Variants in TECTA observed in about 807,000 individuals in gnomAD.
TECTA encodes alpha-tectorin.
A neutral mutation model predicts 216.8 loss-of-function variants in TECTA; 128 were observed. That is an observed-to-expected ratio of 0.59 (90% confidence interval 0.51 to 0.68). TECTA has a LOEUF of 0.68. TECTA is among the 30% of genes least tolerant of loss of function. The pLI is 0.00. For synonymous variants in TECTA, 1,089 were observed against 1,117.1 expected, an observed-to-expected ratio of 0.97 and a Z score of 0.50; for missense variants, 2,551 against 2,786.2, an observed-to-expected ratio of 0.92 and a Z score of 1.90.
Position 121,145,736 on chromosome 11 carries a change from G to A in TECTA, c.3725G>A (p.Gly1242Asp). The change falls in exon 12 of 24, where the codon GGC becomes GAC. Residue 1242 changes from glycine to aspartate, a missense_variant. By Grantham distance (94) the Gly-to-Asp change is moderately conservative. This residue lies in a region of TECTA where 2,375 missense variants were observed against 2,563.9 expected (regional missense o/e 0.93). Coordinates refer to ENST00000392793, the MANE Select transcript of TECTA (RefSeq NM_005422.4). ...SMQNSTYGLC[G>D]RYNGNPDDDL... ...CAGAACAGCACCTATGGTCTGTGTG[G>A]CCGCTACAACGGCAACCCTGATGAT... The A allele has an allele frequency of 1.2e-6, 2 of 1,614,260 alleles. No individual in the cohort carries two copies. The highest frequency in any genetic ancestry group is 1.7e-6 in the Non-Finnish European group (2 of 1,180,052).
chr11:121,123,674 AG>A (rs1174394770), intron 7 of TECTA, among the ~76,000 whole-genome samples: 2 of 152,250 alleles, frequency 1.3e-5, no homozygotes, highest in African/African-American at 4.8e-5. Flanking sequence ...AGGCCCTCCA[AG>A]ACCTGTTCTC....
chr11:121,158,244 TTCTTAA>T lies in TECTA; in HGVS notation c.4689+21_4689+26del. 1 of 1,608,918 alleles carries T rather than the reference TTCTTAA, an allele frequency of 6.2e-7. No homozygotes were observed. Among genetic ancestry groups the T allele is most frequent in the Non-Finnish European group, 8.5e-7 (1 of 1,179,996 alleles). Reference sequence around the variant, plus strand: ...GTCAAGGTAACCAGCCTGGCGGCCATTCTTAAGAAGGGGCCCGGAAACAAGGGGTTG... The same window carrying T: ...GTCAAGGTAACCAGCCTGGCGGCCATGAAGGGGCCCGGAAACAAGGGGTTG... On this transcript the variant is annotated intron_variant, in intron 14 of 23. Coordinates refer to ENST00000392793, the MANE Select transcript of TECTA (RefSeq NM_005422.4).
intron 10 of TECTA, among the ~76,000 whole-genome samples, chr11:121,134,348 C>CACACACACACACACACAT (rs397808440): frequency 2.7e-4 from 41 of 151,740 alleles, no homozygotes; most frequent in African/African-American, 8.9e-4. Context: ...CACACACACA[C>CACACACACACACACACAT]GCACACACTT....
intron 10 of TECTA, among the ~76,000 whole-genome samples, chr11:121,132,730 T>A (rs987201029): frequency 3.3e-5 from 5 of 152,096 alleles, no homozygotes. Flanking sequence ...CCTTTTTTAA[T>A]TTTTTTTGAG....
intron 10 of TECTA, among the ~76,000 whole-genome samples, chr11:121,136,335 A>T (rs1404165152): frequency 6.6e-6 from 1 of 152,038 alleles, no homozygotes; most frequent in Non-Finnish European, 1.5e-5. Flanking sequence ...GATGGGTGGG[A>T]CTTGGCTTTG....
In TECTA at chr11:121,118,405, C is replaced by T; in HGVS notation, c.890C>T (p.Ala297Val). The change falls in exon 7 of 24, where the codon GCT (alanine) becomes GTT (valine). Residue 297 changes from alanine to valine, a missense_variant. Ala to Val is a moderately conservative substitution (Grantham distance 64). This residue lies in a region of TECTA where 2,375 missense variants were observed against 2,563.9 expected (regional missense o/e 0.93). Coordinates refer to ENST00000392793, the MANE Select transcript of TECTA (RefSeq NM_005422.4). Reference protein sequence around the residue: ...DFNNEIYCQEASCSPYEVCEP... With the variant: ...DFNNEIYCQEVSCSPYEVCEP... ...AACAATGAGATCTACTGCCAGGAGG[C>T]TTCCTGTAGCCCCTACGAGGTGTGC... The T allele has an allele frequency of 1.2e-6, 2 of 1,614,176 alleles. No individual in the cohort carries two copies. The highest frequency in any genetic ancestry group is 1.7e-6 in the Non-Finnish European group (2 of 1,180,044).
Position 121,157,973 on chromosome 11 carries a change from T to A in TECTA, c.4438T>A (p.Phe1480Ile). 6.2e-7 allele frequency: 1 copy of A among 1,613,560 alleles called. No homozygotes were observed. The highest frequency in any genetic ancestry group is 1.6e-4 in the Middle Eastern group (1 of 6,062). The part of the protein sequence containing the change: ...CALRNGVRGC[F>I]STKTSYCLAA... ...GCTGCGCAACGGGGTGCGCGGCTGC[T>A]TCAGCACCAAGACCTCCTACTGCCT... is the stretch of plus-strand genomic sequence containing the variant. The change falls in exon 14 of 24, where the codon TTC becomes ATC. Residue 1480 changes from phenylalanine to isoleucine, a missense_variant. Around this residue, in one of 3 missense-constraint regions of TECTA, gnomAD observed 2,375 missense variants for 2,563.9 expected, o/e 0.93. Transcript: ENST00000392793.
At chr11:121,183,739 C>T (rs1947254770) in intron 20 of TECTA, among the ~76,000 whole-genome samples, 1 of 152,148 alleles carries the variant, frequency 6.6e-6, no homozygotes, top group African/African-American at 2.4e-5. Context: ...AAAAATAATT[C>T]TTTATTCTGT....
rs776857768 is a variant in TECTA, at chr11:121,125,721, G to A, written c.1623G>A (p.Val541=). ...CTCTGTGGGAGTGTGGCACTGTCGTGGACCCCACTGCTTTTGTGCACAGCT... is the reference window on the plus strand; with the variant it reads ...CTCTGTGGGAGTGTGGCACTGTCGTAGACCCCACTGCTTTTGTGCACAGCT... The part of the protein sequence containing the change: ...DGPLWECGTV[V]DPTAFVHSCV... Residue 541 remains valine, a synonymous_variant, in exon 8 of 24, where the codon GTG becomes GTA. Transcript: ENST00000392793. 1 of 1,613,300 alleles carries A rather than the reference G, an allele frequency of 6.2e-7. No individual in the cohort carries two copies. The highest frequency in any genetic ancestry group is 8.5e-7 in the Non-Finnish European group (1 of 1,179,282).
intron 11 of TECTA, among the ~76,000 whole-genome samples, chr11:121,140,419 G>A (rs911074466): frequency 2.0e-5 from 3 of 152,164 alleles, no homozygotes; most frequent in Non-Finnish European, 2.9e-5. Context: ...CCAATCTCAC[G>A]AGATGCACTT....
chr11:121,168,677 T>C lies in TECTA; in HGVS notation c.5751T>C (p.Ser1917=). Reference sequence around the variant, plus strand: ...TGTCTCATAATTGTTTCCGTTTTAGTGTAATTAACCTGACAGTTCCAACCC... The same window carrying C: ...TGTCTCATAATTGTTTCCGTTTTAGCGTAATTAACCTGACAGTTCCAACCC... ...SLDSVVKPML[S]VINLTVPTQE... The change falls in exon 20 of 24, where the codon AGT becomes AGC. Residue 1917 remains serine, a splice_region_variant and synonymous_variant. Transcript: ENST00000392793. 5 of 1,614,126 alleles carry C rather than the reference T, an allele frequency of 3.1e-6. No homozygotes were observed. The African/African-American group carries it at 5.3e-5, about 17-fold the overall frequency.
chr11:121,113,775 G>T lies in TECTA; in HGVS notation c.790+57G>T. On this transcript the variant is annotated intron_variant, in intron 6 of 23. Transcript: ENST00000392793. This position sits in a 1 kb window ranked among gnomAD's most constrained non-coding sequence, Gnocchi z 4.2. ...GGGTTTGTTTAGTGTAGATTGACAG[G>T]CAAGCTTTTAAGCCACGGGGGCGGA... The T allele has an allele frequency of 1.2e-6, 2 of 1,606,292 alleles. No individual in the cohort carries two copies. Among genetic ancestry groups the T allele is most frequent in the Non-Finnish European group, 1.7e-6 (2 of 1,176,760 alleles).
chr11:121,169,094 A>T (rs533124192), intron 20 of TECTA, among the ~76,000 whole-genome samples, 169 bp downstream of exon 20: 1 of 152,346 alleles, frequency 6.6e-6, no homozygotes, highest in East Asian at 1.9e-4. Context: ...GGTAGATATT[A>T]TAGGCCTCAT....
intron 20 of TECTA, among the ~76,000 whole-genome samples, chr11:121,178,723 A>G (rs962882555): frequency 3.3e-5 from 5 of 152,138 alleles, no homozygotes; most frequent in Admixed American, 3.3e-4. Flanking sequence ...AGTAAAGACA[A>G]CTAGTCCTGG....
intron 9 of TECTA, 151 bp downstream of exon 9, chr11:121,128,495 G>A (rs535220654): frequency 5.6e-6 from 4 of 709,508 alleles, no homozygotes; most frequent in African/African-American, 5.4e-5. Context: ...CTAATGATCT[G>A]CACCAAATAA....
In TECTA at chr11:121,129,926, A is replaced by G; in HGVS notation, c.2656A>G (p.Asn886Asp). ...ESWTTFEEIC[N>D]GECGDLLKAC... is the part of the protein sequence containing the mutation. ...CTGGACAACTTTCGAGGAGATCTGC[A>G]ATGGAGAGTGTGGGGACCTGCTGAA... Residue 886 changes from asparagine (N) to aspartate (D), a missense_variant, in exon 10 of 24, where the codon AAT (asparagine) becomes GAT (aspartate). This residue lies in a region of TECTA where 2,375 missense variants were observed against 2,563.9 expected (regional missense o/e 0.93). Coordinates refer to ENST00000392793, the MANE Select transcript of TECTA (RefSeq NM_005422.4). 1 of 1,613,044 alleles carries G rather than the reference A, an allele frequency of 6.2e-7. No individual in the cohort carries two copies. Among genetic ancestry groups the G allele is most frequent in the Non-Finnish European group, 8.5e-7 (1 of 1,179,250 alleles).
rs1434024598 is a variant in TECTA, at chr11:121,162,287, T to C, written c.5189T>C (p.Leu1730Pro). The C allele has an allele frequency of 2.5e-6, 4 of 1,613,708 alleles. No homozygotes were observed. The African/African-American group carries it at 4.0e-5, about 16-fold the overall frequency. Residue 1730 changes from leucine to proline, a missense_variant, in exon 16 of 24, where the codon CTG becomes CCG. Transcript: ENST00000392793. Reference protein sequence around the residue: ...DGCYSHKKFQLCGSLAAYGEA... With the variant: ...DGCYSHKKFQPCGSLAAYGEA... ...TGCTACAGCCACAAGAAGTTCCAGC[T>C]GTGCGGCTCCCTGGCCGCCTACGGG...
chr11:121,160,369 G>A lies in TECTA; in HGVS notation c.4924G>A (p.Val1642Ile). Reference protein sequence around the residue: ...DYVTLRGKPVVSSVVLAQSWK... With the variant: ...DYVTLRGKPVISSVVLAQSWK... The stretch of plus-strand genomic sequence containing the variant: ...TGTGACCTTGCGAGGGAAGCCGGTG[G>A]TAAGCAGCGTGGTGCTGGCCCAGAG... The change falls in exon 15 of 24, where the codon GTA becomes ATA. Residue 1642 changes from valine (V) to isoleucine (I), a missense_variant. This residue lies in a region of TECTA where 2,375 missense variants were observed against 2,563.9 expected (regional missense o/e 0.93). Coordinates refer to ENST00000392793, the MANE Select transcript of TECTA (RefSeq NM_005422.4). 1 of 1,613,714 alleles carries A rather than the reference G, an allele frequency of 6.2e-7. No individual in the cohort carries two copies. The highest frequency in any genetic ancestry group is 1.7e-4 in the Middle Eastern group (1 of 6,056).
rs1946524019 is a variant in TECTA at position 121,118,590 on chromosome 11, C to A, written c.1075C>A (p.Pro359Thr). Residue 359 changes from proline to threonine, a missense_variant, in exon 7 of 24, where the codon CCT (proline) becomes ACT (threonine). Around this residue, in one of 3 missense-constraint regions of TECTA, gnomAD observed 2,375 missense variants for 2,563.9 expected, o/e 0.93. Transcript: ENST00000392793. ...ACAGTGTTTGCAGACTTCCAGCCTCCCTTTCTTCAGTGTGGAGGCCAAGAA... is the reference window on the plus strand; with the variant it reads ...ACAGTGTTTGCAGACTTCCAGCCTCACTTTCTTCAGTGTGGAGGCCAAGAA... ...ARQCLQTSSL[P>T]FFSVEAKNEH... 6 of 1,614,212 alleles carry A rather than the reference C, an allele frequency of 3.7e-6. No homozygotes were observed. Among genetic ancestry groups the A allele is most frequent in the Non-Finnish European group, 5.1e-6 (6 of 1,180,048 alleles).
Sources: allele counts gnomAD v4.1 joint callset (sites outside exome capture counted in the v4.1 genomes callset), GRCh38; gene constraint gnomAD v4.1.1; regional missense constraint gnomAD v4.1.1; non-coding constraint Gnocchi (gnomAD v3.1); transcripts MANE v1.5; gene names NCBI Gene and HGNC (gene_info 2026-07-23, HGNC 2026-07-21).